SSBP3: variants seen among roughly 807,000 people sequenced by gnomAD.
SSBP3 encodes the protein single-stranded DNA-binding protein 3.
Under a neutral mutation model 69.6 loss-of-function variants are expected in SSBP3, and 5 were observed. The ratio of observed to expected loss-of-function variants is 0.07; its 90% CI spans 0.04 to 0.15. The LOEUF is 0.15. Ranked by LOEUF, SSBP3 falls within the 10% of genes least tolerant of loss-of-function variation. The probability of loss-of-function intolerance (pLI) is 1.00; values close to 1 mark genes in which losing one functional copy is unlikely to be tolerated. For synonymous variants in SSBP3, 196 were observed against 193.4 expected (o/e 1.01, Z -0.11); for missense variants, 312 against 534.0 (o/e 0.58, Z 4.10).
chr1:54,305,567 T>C (rs543324609), intron 4 of SSBP3, among the ~76,000 whole-genome samples: 8 of 150,412 alleles, frequency 5.3e-5, no homozygotes, highest in African/African-American at 1.7e-4. Context: ...TTGGGAGCTA[T>C]GGAGAAGCCA....
intron 4 of SSBP3, among the ~76,000 whole-genome samples, chr1:54,310,273 C>T (rs898056494): frequency 3.9e-5 from 6 of 152,324 alleles, no homozygotes; most frequent in Admixed American, 3.9e-4. Flanking sequence ...GCTTTCTTCT[C>T]TCTCCCCAGG....
At chr1:54,388,665 C>A (rs919544766) in intron 4 of SSBP3, among the ~76,000 whole-genome samples, 1 of 152,190 alleles carries the variant, frequency 6.6e-6, no homozygotes, top group Non-Finnish European at 1.5e-5. Context: ...AATATGGGAC[C>A]CCTGCCTTGG....
intron 4 of SSBP3, among the ~76,000 whole-genome samples, chr1:54,360,085 CAAAT>C (rs1646927499): frequency 1.3e-5 from 2 of 152,310 alleles, no homozygotes; most frequent in African/African-American, 2.4e-5. Flanking sequence ...ATATTAAAAA[CAAAT>C]AAGCCAACCA....
At chr1:54,391,980 T>A (rs1557588474) in intron 4 of SSBP3, among the ~76,000 whole-genome samples, 1 of 151,574 alleles carries the variant, frequency 6.6e-6, no homozygotes, top group Non-Finnish European at 1.5e-5. Flanking sequence ...GAGAGCCACA[T>A]GGACTCCGCT....
At chr1:54,249,690 A>C (rs1258977380) in intron 9 of SSBP3, among the ~76,000 whole-genome samples, 2 of 144,880 alleles carry the variant, frequency 1.4e-5, no homozygotes, top group Non-Finnish European at 3.0e-5. Flanking sequence ...AAAACAATAA[A>C]ACTTTTTTTA....
At chr1:54,290,145 G>T (rs1299887374) in intron 4 of SSBP3, among the ~76,000 whole-genome samples, 1 of 152,156 alleles carries the variant, frequency 6.6e-6, no homozygotes, top group Non-Finnish European at 1.5e-5. Flanking sequence ...ACAAATTTCA[G>T]AATCGACACT....
At chr1:54,361,585 T>C (rs995574845) in intron 4 of SSBP3, among the ~76,000 whole-genome samples, 2 of 152,160 alleles carry the variant, frequency 1.3e-5, no homozygotes, top group African/African-American at 4.8e-5. Context: ...ACTCTGGTCC[T>C]GAGCAGGGGG....
chr1:54,310,579 C>G (rs1010648067), intron 4 of SSBP3, among the ~76,000 whole-genome samples: 1 of 152,126 alleles, frequency 6.6e-6, no homozygotes, highest in African/African-American at 2.4e-5. Context: ...CCAACACACC[C>G]CAACCCACTT....
chr1:54,408,479 G>A (rs555768004), upstream of SSBP3, among the ~76,000 whole-genome samples: 1 of 152,272 alleles, frequency 6.6e-6, no homozygotes, highest in South Asian at 2.1e-4. Context: ...GACTCATCTT[G>A]TGTCTGCAAG....
chr1:54,254,766 T>C (rs1644889461), intron 7 of SSBP3, among the ~76,000 whole-genome samples: 1 of 152,192 alleles, frequency 6.6e-6, no homozygotes. Flanking sequence ...ACATCCCTCT[T>C]TGGAGGATAG....
chr1:54,381,745 A>T (rs1014595693), intron 4 of SSBP3, among the ~76,000 whole-genome samples: 1 of 152,228 alleles, frequency 6.6e-6, no homozygotes, highest in Non-Finnish European at 1.5e-5. Context: ...ACAAGTCCAA[A>T]AATGACAGAG....
upstream of SSBP3, among the ~76,000 whole-genome samples, chr1:54,407,924 C>T (rs1351810705): frequency 6.6e-6 from 1 of 151,940 alleles, no homozygotes; most frequent in African/African-American, 2.4e-5. Flanking sequence ...ACAATAATTC[C>T]CTACCATTAA....
intron 4 of SSBP3, among the ~76,000 whole-genome samples, chr1:54,345,299 C>T (rs559225893): frequency 3.3e-5 from 5 of 152,128 alleles, no homozygotes; most frequent in Non-Finnish European, 5.9e-5. Context: ...TGACACTACG[C>T]AATATTTGCC....
chr1:54,332,004 A>G (rs1646425656), intron 4 of SSBP3, among the ~76,000 whole-genome samples: 1 of 152,174 alleles, frequency 6.6e-6, no homozygotes, highest in Admixed American at 6.5e-5. Context: ...CAGGGCTGCA[A>G]GGTCACTGGA....
At chr1:54,396,698 T>C (rs1462731439) in intron 4 of SSBP3, among the ~76,000 whole-genome samples, 1 of 152,166 alleles carries the variant, frequency 6.6e-6, no homozygotes, top group Non-Finnish European at 1.5e-5. Flanking sequence ...AGTTTGCAAA[T>C]GCTTAGCTAA....
At chr1:54,265,369 G>C (rs1645083995) in intron 5 of SSBP3, among the ~76,000 whole-genome samples, 1 of 152,132 alleles carries the variant, frequency 6.6e-6, no homozygotes, top group Non-Finnish European at 1.5e-5. Flanking sequence ...CCAGAGCTGG[G>C]GCTGAGACAC....
At chr1:54,259,228 G>C (rs139307488) in intron 5 of SSBP3, among the ~76,000 whole-genome samples, 80 of 151,900 alleles carry the variant, frequency 5.3e-4, no homozygotes, top group African/African-American at 1.8e-3. Flanking sequence ...ACAAACTATG[G>C]GTAGAAACTC....
intron 4 of SSBP3, among the ~76,000 whole-genome samples, chr1:54,369,942 C>A (rs577447059): frequency 3.3e-5 from 5 of 152,264 alleles, no homozygotes; most frequent in African/African-American, 1.2e-4. Flanking sequence ...ATATGAAAAA[C>A]CATCCTTGCA....
At chr1:54,404,659 C>CA in intron 2 of SSBP3, 22 bp from the exon 3 acceptor site, 2 of 1,613,918 alleles carry the variant, frequency 1.2e-6, no homozygotes, top group Non-Finnish European at 1.7e-6. Context: ...AGAGCAGAAG[C>CA]AGCTTAGAGG....
Sources: gnomAD v4.1 joint callset for allele counts (sites outside exome capture counted in the v4.1 genomes callset) on GRCh38, gnomAD v4.1.1 for gene constraint, MANE v1.5 for transcripts, NCBI Gene and HGNC (gene_info 2026-07-23, HGNC 2026-07-21) for gene names.